Variants in NEDD4L observed in about 807,000 individuals in gnomAD.
The protein encoded by NEDD4L is NEDD4 like E3 ubiquitin protein ligase.
Under a neutral mutation model 148.9 loss-of-function variants are expected in NEDD4L, and 54 were observed. That is an observed-to-expected ratio of 0.36 (90% CI 0.29 to 0.45). The LOEUF is 0.45. Ranked by LOEUF, NEDD4L falls within the 20% of genes least tolerant of loss-of-function variation. The pLI, the probability that NEDD4L is intolerant of heterozygous loss-of-function variation, is 1.00. For missense variants in NEDD4L, 856 were observed against 1,233.8 expected (o/e 0.69, Z 4.59); for synonymous variants, 433 against 440.7 (o/e 0.98, Z 0.22).
intron 2 of NEDD4L, among the ~76,000 whole-genome samples, chr18:58,232,521 G>C (rs986601581): frequency 2.0e-5 from 3 of 152,290 alleles, no homozygotes; most frequent in Non-Finnish European, 4.4e-5. Context: ...CTTCTTGATA[G>C]TGCATGGGCC....
At chr18:58,205,487 G>T (rs117915682) in intron 2 of NEDD4L, among the ~76,000 whole-genome samples, 3 of 151,310 alleles carry the variant, frequency 2.0e-5, no homozygotes, top group Non-Finnish European at 4.4e-5. Context: ...TGACTAGAGG[G>T]GTGTGTGTGT....
chr18:58,237,127 C>T (rs1478335401), intron 2 of NEDD4L, among the ~76,000 whole-genome samples: 1 of 152,124 alleles, frequency 6.6e-6, no homozygotes, highest in Non-Finnish European at 1.5e-5. Flanking sequence ...GCAAAATCTG[C>T]ATTAGAAACA....
At chr18:58,092,931 G>T (rs934345427) in intron 1 of NEDD4L, among the ~76,000 whole-genome samples, 15 of 150,698 alleles carry the variant, frequency 1.0e-4, no homozygotes, top group African/African-American at 3.4e-4. Flanking sequence ...CATGATCTCG[G>T]CTCACTGCAA....
At chr18:58,378,326 G>C (rs550419371) in intron 24 of NEDD4L, among the ~76,000 whole-genome samples, 72 of 152,298 alleles carry the variant, frequency 4.7e-4, no homozygotes, top group East Asian at 3.1e-3. Flanking sequence ...ATCTAAAAAG[G>C]CTCTTTAGGG....
intron 11 of NEDD4L, among the ~76,000 whole-genome samples, chr18:58,333,592 A>G (rs533968320): frequency 5.9e-5 from 9 of 152,308 alleles, no homozygotes; most frequent in African/African-American, 1.9e-4. Flanking sequence ...TACTTTTGCC[A>G]CTAATTCTAA....
intron 5 of NEDD4L, among the ~76,000 whole-genome samples, chr18:58,308,244 T>A (rs2057286929): frequency 6.6e-6 from 1 of 152,214 alleles, no homozygotes; most frequent in African/African-American, 2.4e-5. Context: ...ATTAAAATGT[T>A]TTAGTTTATT....
intron 5 of NEDD4L, among the ~76,000 whole-genome samples, chr18:58,287,555 T>C (rs573642466): frequency 6.6e-6 from 1 of 152,318 alleles, no homozygotes; most frequent in African/African-American, 2.4e-5. Flanking sequence ...TCTGACTTCA[T>C]AGAACAGAAT....
chr18:58,183,790 A>G (rs2039119387), intron 2 of NEDD4L, among the ~76,000 whole-genome samples: 1 of 152,214 alleles, frequency 6.6e-6, no homozygotes, highest in Non-Finnish European at 1.5e-5. Context: ...TGCAGGTGGA[A>G]ACATGATTAA....
At chr18:58,241,302 G>T (rs1478533195) in intron 2 of NEDD4L, among the ~76,000 whole-genome samples, 1 of 152,226 alleles carries the variant, frequency 6.6e-6, no homozygotes, top group African/African-American at 2.4e-5. Flanking sequence ...TTTGAGCTCT[G>T]CAGGAATGGC....
chr18:58,329,799 C>T (rs1241381069), intron 10 of NEDD4L, among the ~76,000 whole-genome samples: 1 of 151,908 alleles, frequency 6.6e-6, no homozygotes, highest in East Asian at 1.9e-4. Flanking sequence ...GTGTCCAGCC[C>T]ACATTATTTT....
rs552911120 is a variant in NEDD4L at position 58,145,061 on chromosome 18, A to G, written c.49-20727A>G. 2.6e-5 allele frequency among the ~76,000 whole-genome samples: 4 copies of G among 152,264 alleles called. No homozygotes were observed. In the South Asian group the frequency reaches 6.2e-4, roughly 24 times the overall value. The stretch of plus-strand genomic sequence containing the variant: ...GCCAGGTGACCTGAGCCCAGGAGCC[A>G]AGAGGATGCCCTCCACTGCTGATAC... On this transcript the variant is annotated intron_variant, in intron 1 of 30. Transcript: ENST00000400345.
intron 1 of NEDD4L, chr18:58,045,158 CTT>C: frequency 2.5e-6 from 1 of 399,036 alleles, no homozygotes; most frequent in East Asian, 3.6e-5. Context: ...CCCCCTGGAA[CTT>C]TCTCTCTCAT....
At chr18:58,253,561 G>A (rs2148527456) in intron 5 of NEDD4L, among the ~76,000 whole-genome samples, 1 of 152,342 alleles carries the variant, frequency 6.6e-6, no homozygotes, top group South Asian at 2.1e-4. Context: ...TGAGGACCAA[G>A]TGAGTTAAGC....
intron 1 of NEDD4L, among the ~76,000 whole-genome samples, chr18:58,084,846 C>T (rs113506125): frequency 0.022 from 3,327 of 152,022 alleles, 108 homozygotes; most frequent in African/African-American, 0.076. Context: ...AGGTGTGTGC[C>T]GCAATGCCCA....
intron 2 of NEDD4L, among the ~76,000 whole-genome samples, chr18:58,192,007 CA>C (rs2040173381): frequency 6.6e-6 from 1 of 152,088 alleles, no homozygotes; most frequent in Non-Finnish European, 1.5e-5. Context: ...TCCATCTCTA[CA>C]AAAAATACAA....
At chr18:58,128,003 G>A (rs749016665) in intron 1 of NEDD4L, among the ~76,000 whole-genome samples, 3 of 151,824 alleles carry the variant, frequency 2.0e-5, no homozygotes, top group South Asian at 2.1e-4. Flanking sequence ...CACCATGCCC[G>A]GCTAATTTTT....
chr18:58,063,751 A>G (rs1352156483), intron 1 of NEDD4L, among the ~76,000 whole-genome samples: 2 of 150,578 alleles, frequency 1.3e-5, no homozygotes, highest in African/African-American at 4.9e-5. Flanking sequence ...TTTTTTGTAG[A>G]GACGGGGTTT....
At chr18:58,313,972 C>T (rs1323485942) in intron 5 of NEDD4L, among the ~76,000 whole-genome samples, 1 of 152,220 alleles carries the variant, frequency 6.6e-6, no homozygotes, top group Non-Finnish European at 1.5e-5. Context: ...TTGTCTTTTC[C>T]TTCCCACATT....
intron 1 of NEDD4L, among the ~76,000 whole-genome samples, chr18:58,084,673 G>GTGTGTGTT: frequency 8.3e-6 from 1 of 120,776 alleles, no homozygotes; most frequent in Non-Finnish European, 1.9e-5. Flanking sequence ...TGGGGTTTTT[G>GTGTGTGTT]TGTGTGTGTG....
Sources: allele counts gnomAD v4.1 joint callset (sites outside exome capture counted in the v4.1 genomes callset), GRCh38; gene constraint gnomAD v4.1.1; transcripts MANE v1.5; gene names NCBI Gene and HGNC (gene_info 2026-07-23, HGNC 2026-07-21).